SPECC1L: variants seen among roughly 807,000 people sequenced by gnomAD.
The protein encoded by SPECC1L is cytospin-A.
Under a neutral mutation model 116.8 loss-of-function variants are expected in SPECC1L, and 40 were observed. The observed-to-expected ratio is 0.34, with a 90% confidence interval of 0.27 to 0.45. The LOEUF is 0.45. Ranked by LOEUF, SPECC1L falls within the 20% of genes least tolerant of loss-of-function variation. The pLI, the probability that SPECC1L is intolerant of heterozygous loss-of-function variation, is 1.00. For missense variants in SPECC1L, 1,110 were observed against 1,373.6 expected, an observed-to-expected ratio of 0.81 and a Z score of 3.03; for synonymous variants, 504 against 500.6, an observed-to-expected ratio of 1.01 and a Z score of -0.09.
intron 2 of SPECC1L, among the ~76,000 whole-genome samples, chr22:24,280,691 C>A (rs368928176): frequency 1.3e-5 from 2 of 151,740 alleles, no homozygotes; most frequent in African/African-American, 4.8e-5. Flanking sequence ...GATCCTCCCA[C>A]CTCAGCCTTC....
intron 3 of SPECC1L, among the ~76,000 whole-genome samples, chr22:24,312,148 T>C (rs2040474310): frequency 6.6e-6 from 1 of 152,156 alleles, no homozygotes; most frequent in South Asian, 2.1e-4. Flanking sequence ...AGTTTTCAAA[T>C]TTTTTGTAGA....
intron 2 of SPECC1L, among the ~76,000 whole-genome samples, chr22:24,286,305 G>T (rs1257922608): frequency 1.3e-5 from 2 of 152,160 alleles, no homozygotes; most frequent in African/African-American, 2.4e-5. Context: ...TTAAAAATGA[G>T]AATGAAATAT....
chr22:24,373,975 A>G (rs982060683), intron 14 of SPECC1L, among the ~76,000 whole-genome samples: 2 of 152,222 alleles, frequency 1.3e-5, no homozygotes, highest in African/African-American at 4.8e-5. Context: ...ATGAACAGAC[A>G]CTTCTCAAAA....
chr22:24,335,780 T>C (rs2041041496), intron 9 of SPECC1L, among the ~76,000 whole-genome samples: 1 of 152,194 alleles, frequency 6.6e-6, no homozygotes, highest in Admixed American at 6.5e-5. Flanking sequence ...ATTCATAGAC[T>C]CTGAAGTTGT....
intron 9 of SPECC1L, among the ~76,000 whole-genome samples, chr22:24,337,189 C>T (rs1489072489): frequency 6.6e-6 from 1 of 152,140 alleles, no homozygotes; most frequent in Admixed American, 6.6e-5. Context: ...ACCCAAGTAT[C>T]CATGCATTCG....
intron 14 of SPECC1L, among the ~76,000 whole-genome samples, chr22:24,386,116 C>CA (rs34355662): frequency 0.014 from 1,903 of 135,390 alleles, 10 homozygotes; most frequent in Middle Eastern, 0.037. Flanking sequence ...TTATTAGTTT[C>CA]AAAAAAAAAA....
chr22:24,371,194 C>T (rs2041864422), intron 14 of SPECC1L, among the ~76,000 whole-genome samples: 1 of 152,110 alleles, frequency 6.6e-6, no homozygotes, highest in African/African-American at 2.4e-5. Flanking sequence ...ACCAACCAGA[C>T]CTAAAGACAT....
intron 14 of SPECC1L, among the ~76,000 whole-genome samples, chr22:24,405,710 G>A (rs2042576978): frequency 6.6e-6 from 1 of 151,854 alleles, no homozygotes. Flanking sequence ...CATGGTGGCG[G>A]GTGCTTACAA....
At position 24,369,084 on chromosome 22, in the gene SPECC1L, T is replaced by C. The variant is rs35179976; in HGVS notation, c.2985-134T>C. ...AGCCATAAACTAAAAATCAAATGTA[T>C]GAAAAACTATGTCTTGCCTTTGTAT... On this transcript the variant is annotated intron_variant, in intron 13 of 16. Coordinates refer to ENST00000314328, the MANE Select transcript of SPECC1L (RefSeq NM_015330.6). 13,319 of 704,322 alleles carry C rather than the reference T, an allele frequency of 0.019. 289 individuals carry two copies. The highest frequency in any genetic ancestry group is 0.084 in the African/African-American group (4,728 of 56,254). 43.6% of individuals were successfully genotyped at this position (704,322 alleles called of 1,614,324 possible).
intron 12 of SPECC1L, among the ~76,000 whole-genome samples, chr22:24,364,003 T>G (rs2041697708): frequency 6.6e-6 from 1 of 152,108 alleles, no homozygotes; most frequent in Admixed American, 6.5e-5. Flanking sequence ...ATGGATTGCA[T>G]TAAATCAGCC....
intron 6 of SPECC1L, among the ~76,000 whole-genome samples, chr22:24,326,536 T>G (rs2040825237): frequency 6.6e-6 from 1 of 152,338 alleles, no homozygotes; most frequent in East Asian, 1.9e-4. Flanking sequence ...AGGTTGAGTC[T>G]GAAGTACCTT....
At chr22:24,278,709 C>T (rs1444950820) in intron 2 of SPECC1L, among the ~76,000 whole-genome samples, 2 of 152,166 alleles carry the variant, frequency 1.3e-5, no homozygotes, top group African/African-American at 4.8e-5. Flanking sequence ...CAGCTTGAAT[C>T]GTTGGCAGCT....
At chr22:24,332,376 C>G (rs1411009422) in intron 8 of SPECC1L, among the ~76,000 whole-genome samples, 1 of 152,176 alleles carries the variant, frequency 6.6e-6, no homozygotes, top group Non-Finnish European at 1.5e-5. Context: ...TTCCTTACAG[C>G]CAGTCTGTGA....
At chr22:24,291,542 T>A (rs1409567685) in intron 2 of SPECC1L, among the ~76,000 whole-genome samples, 4 of 152,252 alleles carry the variant, frequency 2.6e-5, no homozygotes, top group Non-Finnish European at 5.9e-5. Context: ...TAGTCATTCC[T>A]TATAAAGGGT....
intron 14 of SPECC1L, among the ~76,000 whole-genome samples, chr22:24,399,407 A>G (rs2042427582): frequency 2.6e-5 from 4 of 152,106 alleles, no homozygotes; most frequent in Admixed American, 2.6e-4. Flanking sequence ...CATCTTTACT[A>G]AAAATACAAA....
intron 9 of SPECC1L, among the ~76,000 whole-genome samples, chr22:24,334,927 C>A (rs560647914): frequency 6.6e-6 from 1 of 152,320 alleles, no homozygotes; most frequent in South Asian, 2.1e-4. Context: ...TCATGTCTAT[C>A]CAGATGCCTA....
At chr22:24,359,013 T>G (rs1416636516) in intron 11 of SPECC1L, among the ~76,000 whole-genome samples, 1 of 152,172 alleles carries the variant, frequency 6.6e-6, no homozygotes, top group African/African-American at 2.4e-5. Context: ...TCTTGATGGT[T>G]TATTTCCTTC....
chr22:24,302,349 C>A lies in SPECC1L; in HGVS notation c.118C>A (p.Leu40Ile), dbSNP rs2049398282. The change falls in exon 3 of 17, where the codon CTT becomes ATT. Residue 40 changes from leucine to isoleucine, a missense_variant. By Grantham distance (5) the Leu-to-Ile change is conservative. Transcript: ENST00000314328. ...CTCTTCAGCATCTACGGGAGGCAAA[C>A]TTGTAAAACCTGGAACAGCAGCATC... Reference protein sequence around the residue: ...NSSSASTGGKLVKPGTAASLS... With the variant: ...NSSSASTGGKIVKPGTAASLS... 1.2e-6 allele frequency: 2 copies of A among 1,613,962 alleles called. No individual in the cohort carries two copies. The highest frequency in any genetic ancestry group is 1.7e-6 in the Non-Finnish European group (2 of 1,180,022).
intron 3 of SPECC1L, among the ~76,000 whole-genome samples, chr22:24,304,101 T>C (rs1267656716): frequency 2.6e-5 from 4 of 152,256 alleles, no homozygotes; most frequent in South Asian, 4.2e-4. Context: ...CTTTTTTTTT[T>C]CCTGTGCTTC....
Sources: allele counts gnomAD v4.1 joint callset (sites outside exome capture counted in the v4.1 genomes callset), GRCh38; gene constraint gnomAD v4.1.1; transcripts MANE v1.5; gene names NCBI Gene and HGNC (gene_info 2026-07-23, HGNC 2026-07-21).